Variants in CDH7 observed in about 807,000 individuals in gnomAD.
CDH7 encodes the protein cadherin-7.
In CDH7, 25 loss-of-function variants were observed where a neutral mutation model predicts 71.8. The observed-to-expected ratio is 0.35, with a 90% confidence interval of 0.25 to 0.49. The LOEUF is 0.49. Among genes scored for constraint, CDH7 ranks in the 20% least tolerant of loss-of-function variants. The pLI, the probability that CDH7 is intolerant of heterozygous loss-of-function variation, is 0.99. For synonymous variants in CDH7, 381 were observed against 363.8 expected, an observed-to-expected ratio of 1.05 and a Z score of -0.54; for missense variants, 862 against 974.6, an observed-to-expected ratio of 0.88 and a Z score of 1.54.
chr18:65,752,574 A>C (rs1394163171), intron 1 of CDH7, among the ~76,000 whole-genome samples: 3 of 152,212 alleles, frequency 2.0e-5, no homozygotes, highest in Non-Finnish European at 2.9e-5. Flanking sequence ...TCAAGGGGAA[A>C]TGCATGAAGA....
intron 1 of CDH7, among the ~76,000 whole-genome samples, chr18:65,761,298 A>C (rs1916185106): frequency 6.6e-6 from 1 of 152,192 alleles, no homozygotes; most frequent in Non-Finnish European, 1.5e-5. Context: ...GAACGATTTA[A>C]AAATTTGATA....
chr18:65,822,479 A>G (rs935748079), intron 5 of CDH7, among the ~76,000 whole-genome samples: 4 of 152,108 alleles, frequency 2.6e-5, no homozygotes, highest in African/African-American at 9.7e-5. Flanking sequence ...TATCTTAAAT[A>G]TAGTAAGATT....
At chr18:65,792,101 G>A (rs1460289847) in intron 2 of CDH7, among the ~76,000 whole-genome samples, 2 of 151,504 alleles carry the variant, frequency 1.3e-5, no homozygotes, top group Non-Finnish European at 2.9e-5. Context: ...GTGCCCCTGA[G>A]GCTGATATTC....
chr18:65,814,423 A>G, intron 3 of CDH7, 62 bp from the exon 4 acceptor site: 1 of 1,576,836 alleles, frequency 6.3e-7, no homozygotes, highest in Non-Finnish European at 8.7e-7. Flanking sequence ...AACATTTTGT[A>G]CGTTTTTTGT....
intron 6 of CDH7, among the ~76,000 whole-genome samples, chr18:65,827,562 T>C (rs1343348747): frequency 6.6e-6 from 1 of 151,938 alleles, no homozygotes; most frequent in East Asian, 1.9e-4. Context: ...ATTTTGAGCC[T>C]AAACACACTG....
intron 2 of CDH7, among the ~76,000 whole-genome samples, chr18:65,787,577 A>G (rs960746056): frequency 6.6e-6 from 1 of 152,206 alleles, no homozygotes. Context: ...AAAAGGACAA[A>G]TTTAGAGCTG....
At chr18:65,871,867 G>T (rs1177073831) in intron 11 of CDH7, among the ~76,000 whole-genome samples, 1 of 152,040 alleles carries the variant, frequency 6.6e-6, no homozygotes, top group Non-Finnish European at 1.5e-5. Flanking sequence ...TTTAAAATAT[G>T]GTCTGGTTAT....
At chr18:65,775,955 A>C (rs889189480) in intron 2 of CDH7, among the ~76,000 whole-genome samples, 2 of 152,174 alleles carry the variant, frequency 1.3e-5, no homozygotes, top group Admixed American at 6.6e-5. Flanking sequence ...TCCTGCTAAA[A>C]TGCTTTGAAA....
chr18:65,804,995 A>C (rs1430391632), intron 2 of CDH7, among the ~76,000 whole-genome samples: 1 of 152,088 alleles, frequency 6.6e-6, no homozygotes, highest in Non-Finnish European at 1.5e-5. Context: ...TTAAAAAGCT[A>C]TTAAAACTTA....
At chr18:65,776,157 A>T (rs969795165) in intron 2 of CDH7, among the ~76,000 whole-genome samples, 3 of 151,980 alleles carry the variant, frequency 2.0e-5, no homozygotes, top group Admixed American at 6.6e-5. Flanking sequence ...TTTATACTTT[A>T]TTTTATTTTT....
intron 1 of CDH7, among the ~76,000 whole-genome samples, chr18:65,759,555 A>G (rs180961151): frequency 6.6e-6 from 1 of 152,058 alleles, no homozygotes; most frequent in Admixed American, 6.6e-5. Context: ...CCCGGCCCCC[A>G]TTATCTTTTA....
rs933587477 is a variant in CDH7 at position 65,860,049 on chromosome 18, A to G, written c.1612+224A>G. On this transcript the variant is annotated intron_variant, in intron 10 of 11. Transcript: ENST00000397968. ...AAAGCCAAATAGGAGGGAAAGTTAG[A>G]TTTTTCTCATTCTTTTCTTATAAGC... is the stretch of plus-strand genomic sequence containing the variant. 3.9e-5 allele frequency among the ~76,000 whole-genome samples: 6 copies of G among 152,120 alleles called. No homozygotes were observed. The South Asian group carries it at 8.3e-4, about 21-fold the overall frequency.
chr18:65,879,823 ATTT>A (rs1461214436), intron 11 of CDH7, among the ~76,000 whole-genome samples: 1 of 152,290 alleles, frequency 6.6e-6, no homozygotes, highest in East Asian at 1.9e-4. Context: ...CAAGTTCAGT[ATTT>A]TATACATGAA....
intron 2 of CDH7, among the ~76,000 whole-genome samples, chr18:65,796,891 G>A (rs1430519725): frequency 6.6e-6 from 1 of 152,172 alleles, no homozygotes; most frequent in Non-Finnish European, 1.5e-5. Context: ...GGCAGAAGGA[G>A]TGAAGAGTCA....
intron 7 of CDH7, among the ~76,000 whole-genome samples, chr18:65,850,751 G>A (rs1467288547): frequency 9.9e-5 from 15 of 151,822 alleles, no homozygotes; most frequent in Admixed American, 9.2e-4. Context: ...CAGAAGAGGG[G>A]TGAGGATACA....
chr18:65,851,390 C>G (rs1049919022), intron 7 of CDH7, among the ~76,000 whole-genome samples: 9 of 152,060 alleles, frequency 5.9e-5, no homozygotes, highest in African/African-American at 2.2e-4. Flanking sequence ...TATCTTTTGC[C>G]ACTTTGGGAG....
chr18:65,847,466 A>T (rs993428061), intron 7 of CDH7, among the ~76,000 whole-genome samples: 8 of 152,186 alleles, frequency 5.3e-5, no homozygotes, highest in African/African-American at 1.9e-4. Context: ...ATTTTCTGAT[A>T]TATGAGGCAA....
chr18:65,806,658 ATGTG>A (rs60116919), intron 2 of CDH7, among the ~76,000 whole-genome samples: 3 of 150,520 alleles, frequency 2.0e-5, no homozygotes, highest in South Asian at 2.1e-4. Context: ...GTGTCCATGC[ATGTG>A]TGTGTGTGTG....
chr18:65,817,468 T>A (rs944077101), intron 4 of CDH7, among the ~76,000 whole-genome samples: 2 of 152,194 alleles, frequency 1.3e-5, no homozygotes. Context: ...ACTTTACTAC[T>A]TCACTGTTGT....
Sources: gnomAD v4.1 joint callset for allele counts (sites outside exome capture counted in the v4.1 genomes callset) on GRCh38, gnomAD v4.1.1 for gene constraint, MANE v1.5 for transcripts, NCBI Gene and HGNC (gene_info 2026-07-23, HGNC 2026-07-21) for gene names.